CCDC169: variants seen among roughly 807,000 people sequenced by gnomAD.
CCDC169 encodes the protein coiled-coil domain-containing protein 169.
CCDC169 carries 30 observed loss-of-function variants against 36.0 expected under a neutral mutation model. The observed-to-expected ratio is 0.83, with a 90% CI of 0.62 to 1.13. The LOEUF is 1.13. Ranked by LOEUF, CCDC169 falls within the 50% of genes most tolerant of loss-of-function variation. The pLI is 0.00. For missense variants in CCDC169, 245 were observed against 245.9 expected, an observed-to-expected ratio of 1.00 and a Z score of 0.03; for synonymous variants, 85 against 81.5, an observed-to-expected ratio of 1.04 and a Z score of -0.23.
chr13:36,251,606 G>C (rs1873174398), intron 6 of CCDC169, among the ~76,000 whole-genome samples: 1 of 151,854 alleles, frequency 6.6e-6, no homozygotes, highest in East Asian at 1.9e-4. Context: ...TTAATAACTT[G>C]GGCTTATGAT....
At chr13:36,288,061 T>A (rs148355349) in intron 2 of CCDC169, among the ~76,000 whole-genome samples, 1 of 152,134 alleles carries the variant, frequency 6.6e-6, no homozygotes, top group Non-Finnish European at 1.5e-5. Context: ...CAGGCTAGAG[T>A]GCAGTGGCGC....
chr13:36,297,646 A>T lies in CCDC169; in HGVS notation c.74T>A (p.Val25Asp). 6.4e-7 allele frequency: 1 copy of T among 1,550,724 alleles called. No individual in the cohort carries two copies. Among genetic ancestry groups the T allele is most frequent in the Non-Finnish European group, 8.7e-7 (1 of 1,146,974 alleles). ...NRLKQQLLEE[V>D]RKKDAVQLSI... ...CCGCCCGCCGACTCACTTCTTGCGG[A>T]CTTCTTCCAGCAACTGCTGTTTCAG... The change falls in exon 1 of 8, where the codon GTC becomes GAC. Residue 25 changes from valine (V) to aspartate (D), a missense_variant. Coordinates refer to ENST00000239859, the MANE Select transcript of CCDC169 (RefSeq NM_001144981.3).
intron 7 of CCDC169, 97 bp from the exon 8 acceptor site, chr13:36,231,389 T>A: frequency 8.3e-7 from 1 of 1,203,982 alleles, no homozygotes; most frequent in Non-Finnish European, 1.2e-6. Flanking sequence ...TTGCACCTTG[T>A]TCCCCCCAAC....
chr13:36,246,982 A>G (rs1413637071), intron 7 of CCDC169, among the ~76,000 whole-genome samples: 1 of 152,194 alleles, frequency 6.6e-6, no homozygotes, highest in Non-Finnish European at 1.5e-5. Context: ...ATCAAAAAAC[A>G]GGTTGACTTG....
At chr13:36,297,294 A>T (rs1002825376) in intron 1 of CCDC169, among the ~76,000 whole-genome samples, 1 of 152,210 alleles carries the variant, frequency 6.6e-6, no homozygotes, top group Admixed American at 6.5e-5. Flanking sequence ...AACTAAATAA[A>T]ATCTTTGGAA....
chr13:36,283,577 T>A lies in CCDC169; in HGVS notation c.274+15A>T. 6.4e-7 allele frequency: 1 copy of A among 1,551,236 alleles called. No homozygotes were observed. The highest frequency in any genetic ancestry group is 8.7e-7 in the Non-Finnish European group (1 of 1,146,744). On this transcript the variant is annotated intron_variant, in intron 3 of 7. Coordinates refer to ENST00000239859, the MANE Select transcript of CCDC169 (RefSeq NM_001144981.3). Reference sequence around the variant, plus strand: ...TAACTCAAATTATAAAATGTACATATGATTGGTTTTGTACCTGAAGAGTTT... The same window carrying A: ...TAACTCAAATTATAAAATGTACATAAGATTGGTTTTGTACCTGAAGAGTTT...
intron 7 of CCDC169, among the ~76,000 whole-genome samples, chr13:36,238,605 G>A (rs1414381408): frequency 6.6e-6 from 1 of 151,958 alleles, no homozygotes; most frequent in East Asian, 1.9e-4. Context: ...AATTAATATA[G>A]CTCATTATAG....
At chr13:36,229,514 T>C (rs866366755), downstream of CCDC169, among the ~76,000 whole-genome samples, 3 of 150,108 alleles carry the variant, frequency 2.0e-5, no homozygotes, top group South Asian at 6.3e-4. Flanking sequence ...TTATTTTTCA[T>C]TGATAATTAT....
intron 4 of CCDC169, among the ~76,000 whole-genome samples, chr13:36,259,842 C>T (rs1334270760): frequency 6.6e-6 from 1 of 152,238 alleles, no homozygotes. Context: ...ACCCTATTCT[C>T]CTGCCTCATC....
At chr13:36,249,487 C>T (rs574304084) in intron 6 of CCDC169, among the ~76,000 whole-genome samples, 2 of 151,780 alleles carry the variant, frequency 1.3e-5, no homozygotes, top group East Asian at 1.9e-4. Flanking sequence ...ATAAACTAGG[C>T]GAAAGCATGA....
chr13:36,240,784 T>C (rs569493122), intron 7 of CCDC169: 118 of 322,176 alleles, frequency 3.7e-4, no homozygotes, highest in African/African-American at 2.5e-3. Context: ...TTCGGGAATA[T>C]GATTTTTCAT....
chr13:36,272,003 T>G (rs1876127421), intron 4 of CCDC169, among the ~76,000 whole-genome samples: 1 of 150,608 alleles, frequency 6.6e-6, no homozygotes, highest in Non-Finnish European at 1.5e-5. Context: ...AAGAATCGCT[T>G]GAACTCAGGA....
At chr13:36,240,437 A>G (rs912007251) in intron 7 of CCDC169, 5 of 256,130 alleles carry the variant, frequency 2.0e-5, no homozygotes, top group Middle Eastern at 4.5e-4. Context: ...TAATTTTTGC[A>G]ACTTCCTAAT....
intron 4 of CCDC169, among the ~76,000 whole-genome samples, chr13:36,281,986 C>A (rs909654680): frequency 6.6e-6 from 1 of 152,154 alleles, no homozygotes; most frequent in African/African-American, 2.4e-5. Flanking sequence ...ACATTTTATA[C>A]ATTTTTGTCA....
Position 36,295,845 on chromosome 13 carries a change from T to C in CCDC169, c.96A>G (p.Gln32=). The change falls in exon 2 of 8, where the codon CAA becomes CAG. Residue 32 remains glutamine (Q), a synonymous_variant. Transcript: ENST00000239859. ...LEEVRKKDAV[Q]LSIFELRHKI... ...TGTGTCTTAGTTCAAATATTGAGAG[T>C]TGCACTGCATCCCTGTTATTTAAAA... 6.5e-7 allele frequency: 1 copy of C among 1,532,098 alleles called. No homozygotes were observed. Among genetic ancestry groups the C allele is most frequent in the South Asian group, 1.2e-5 (1 of 81,978 alleles). The allele number at this position is 1,532,098 out of a possible 1,614,324, so 94.9% of individuals were successfully genotyped here.
chr13:36,233,805 C>G (rs938036320), intron 7 of CCDC169, among the ~76,000 whole-genome samples: 1 of 152,118 alleles, frequency 6.6e-6, no homozygotes, highest in Non-Finnish European at 1.5e-5. Flanking sequence ...AATATTTTCC[C>G]CCAAAATATA....
At chr13:36,251,377 T>TTTA (rs5802812) in intron 6 of CCDC169, among the ~76,000 whole-genome samples, 61,369 of 151,756 alleles carry the variant, frequency 0.4, 13,151 homozygotes, top group Non-Finnish European at 0.48. Flanking sequence ...AGTGAAAATC[T>TTTA]TTAACATTTA....
chr13:36,259,563 A>G (rs1466739780), intron 4 of CCDC169, among the ~76,000 whole-genome samples: 1 of 152,172 alleles, frequency 6.6e-6, no homozygotes, highest in East Asian at 1.9e-4. Flanking sequence ...GAGGTTTCCA[A>G]TTGGTTACAC....
chr13:36,284,983 G>A (rs1877993057), intron 2 of CCDC169, among the ~76,000 whole-genome samples: 1 of 152,104 alleles, frequency 6.6e-6, no homozygotes, highest in South Asian at 2.1e-4. Context: ...GAAAGGAGAA[G>A]CCCTGAAAGA....
Sources: allele counts gnomAD v4.1 joint callset (sites outside exome capture counted in the v4.1 genomes callset), GRCh38; gene constraint gnomAD v4.1.1; transcripts MANE v1.5; gene names NCBI Gene and HGNC (gene_info 2026-07-23, HGNC 2026-07-21).